RGS6: variants seen among roughly 807,000 people sequenced by gnomAD.
RGS6 encodes the protein regulator of G protein signaling 6.
RGS6 carries 30 observed loss-of-function variants against 78.5 expected under a neutral mutation model. The observed-to-expected ratio is 0.38, with a 90% CI of 0.29 to 0.52. The LOEUF (loss-of-function observed/expected upper bound fraction) is 0.52, where lower values mean the gene tolerates loss of function less well. Ranked by LOEUF, RGS6 falls within the 20% of genes least tolerant of loss-of-function variation. The probability of loss-of-function intolerance (pLI) is 0.85; values close to 1 mark genes in which losing one functional copy is unlikely to be tolerated. For synonymous variants in RGS6, 206 were observed against 206.0 expected (o/e 1.00, Z 0.00); for missense variants, 495 against 609.7 (o/e 0.81, Z 1.98).
At chr14:72,546,272 A>G (rs2097401230) in intron 17 of RGS6, among the ~76,000 whole-genome samples, 1 of 152,232 alleles carries the variant, frequency 6.6e-6, no homozygotes, top group Non-Finnish European at 1.5e-5. Flanking sequence ...AAGCATATTT[A>G]CTGTTATAGT....
chr14:71,981,320 TGGA>T (rs1216247140), intron 2 of RGS6, among the ~76,000 whole-genome samples: 3 of 152,244 alleles, frequency 2.0e-5, no homozygotes, highest in African/African-American at 7.2e-5. Context: ...TGCTTCCCTT[TGGA>T]GGAGGAGAGG....
rs368436795 is a variant in RGS6 at position 71,942,115 on chromosome 14, CATT to C, written c.-21+9176_-21+9178del. 2.4e-3 allele frequency among the ~76,000 whole-genome samples: 364 copies of C among 152,270 alleles called. 2 individuals carry two copies. The South Asian group carries it at 0.024, about 10-fold the overall frequency. ...AGAATAATCATCCAGAATTTGGAAACATTAAGCCTGTAATAAGAGTTATAATCA... is the reference window on the plus strand; with the variant it reads ...AGAATAATCATCCAGAATTTGGAAACAAGCCTGTAATAAGAGTTATAATCA... On this transcript the variant is annotated intron_variant, in intron 1 of 17. Coordinates refer to ENST00000553525, the MANE Select transcript of RGS6 (RefSeq NM_001204424.2).
chr14:72,334,411 G>A (rs1467961550), intron 2 of RGS6, among the ~76,000 whole-genome samples: 1 of 152,184 alleles, frequency 6.6e-6, no homozygotes, highest in Non-Finnish European at 1.5e-5. Context: ...AGCCCATAGG[G>A]TGGACAAGCC....
At chr14:72,362,883 A>G (rs1226736236) in intron 3 of RGS6, among the ~76,000 whole-genome samples, 1 of 152,206 alleles carries the variant, frequency 6.6e-6, no homozygotes, top group Non-Finnish European at 1.5e-5. Context: ...ACAATAATTG[A>G]GAACCGGACC....
chr14:71,983,853 C>G (rs906679176), intron 2 of RGS6, among the ~76,000 whole-genome samples: 2 of 152,230 alleles, frequency 1.3e-5, no homozygotes, highest in Admixed American at 6.5e-5. Flanking sequence ...AGACACAACT[C>G]AATCCACAAC....
intron 4 of RGS6, 49 bp downstream of exon 4, chr14:72,454,627 TC>T (rs2095582398): frequency 6.6e-7 from 1 of 1,526,188 alleles, no homozygotes; most frequent in Non-Finnish European, 9.0e-7. Context: ...TCAGTAAACA[TC>T]CCATAACCAA....
chr14:72,186,765 G>A (rs967070768), intron 2 of RGS6, among the ~76,000 whole-genome samples: 34 of 152,162 alleles, frequency 2.2e-4, no homozygotes, highest in African/African-American at 8.2e-4. Flanking sequence ...AGCTACTATG[G>A]CAATAAGTGC....
chr14:72,321,253 CA>C (rs2071921257), intron 2 of RGS6, among the ~76,000 whole-genome samples: 1 of 151,648 alleles, frequency 6.6e-6, no homozygotes, highest in Non-Finnish European at 1.5e-5. Flanking sequence ...CCAAATAGCA[CA>C]AGGAATACTC....
chr14:72,144,217 T>C (rs1258557773), intron 2 of RGS6, among the ~76,000 whole-genome samples: 1 of 152,226 alleles, frequency 6.6e-6, no homozygotes, highest in Non-Finnish European at 1.5e-5. Flanking sequence ...CTGAATTGCA[T>C]GGATTCATAA....
the RGS6 span, among the ~76,000 whole-genome samples, chr14:71,883,012 C>G: frequency 7.2e-5 from 11 of 152,252 alleles, no homozygotes; most frequent in African/African-American, 1.9e-4. Context: ...CCTTGACTTC[C>G]TAGAGAGGCT....
At chr14:71,969,531 AAAGCT>A (rs2093690338) in intron 2 of RGS6, among the ~76,000 whole-genome samples, 1 of 152,146 alleles carries the variant, frequency 6.6e-6, no homozygotes, top group African/African-American at 2.4e-5. Flanking sequence ...TCTACATCCA[AAAGCT>A]GGAGGCTCTG....
chr14:72,330,006 G>A (rs1405349347), intron 2 of RGS6, among the ~76,000 whole-genome samples: 5 of 152,190 alleles, frequency 3.3e-5, no homozygotes, highest in African/African-American at 1.2e-4. Flanking sequence ...TATAAACTTG[G>A]ATGGCATCAT....
chr14:71,959,173 G>A (rs1053533672), intron 1 of RGS6, among the ~76,000 whole-genome samples: 1 of 152,158 alleles, frequency 6.6e-6, no homozygotes, highest in African/African-American at 2.4e-5. Context: ...ATAACAGGAA[G>A]AGTGATTTGT....
chr14:71,884,918 G>A, the RGS6 span, among the ~76,000 whole-genome samples: 1 of 152,152 alleles, frequency 6.6e-6, no homozygotes, highest in Non-Finnish European at 1.5e-5. Flanking sequence ...AGGCACCTGA[G>A]CACCTCCTTA....
intron 2 of RGS6, among the ~76,000 whole-genome samples, chr14:72,127,807 AC>A (rs544030063): frequency 1.4e-4 from 21 of 152,254 alleles, no homozygotes; most frequent in Middle Eastern, 3.4e-3. Context: ...ATCCTCTGTT[AC>A]CCCTTTATAA....
At chr14:72,330,898 T>C (rs1318530115) in intron 2 of RGS6, among the ~76,000 whole-genome samples, 1 of 152,186 alleles carries the variant, frequency 6.6e-6, no homozygotes, top group Non-Finnish European at 1.5e-5. Context: ...GCTGCACGTT[T>C]CTGTCACTCT....
chr14:72,293,365 A>C (rs1243815649), intron 2 of RGS6, among the ~76,000 whole-genome samples: 1 of 152,212 alleles, frequency 6.6e-6, no homozygotes, highest in African/African-American at 2.4e-5. Context: ...GTTTGCAAAA[A>C]ATGTAGAACA....
chr14:72,383,557 C>G (rs1363821821), intron 3 of RGS6, among the ~76,000 whole-genome samples: 2 of 152,174 alleles, frequency 1.3e-5, no homozygotes, highest in Admixed American at 1.3e-4. Flanking sequence ...ATCCATTCTG[C>G]TTATTAACAG....
At chr14:72,252,501 C>T (rs1228096832) in intron 2 of RGS6, among the ~76,000 whole-genome samples, 1 of 152,208 alleles carries the variant, frequency 6.6e-6, no homozygotes, top group African/African-American at 2.4e-5. Flanking sequence ...CCTAGAAATA[C>T]TGCTTTAAAG....
Sources: gnomAD v4.1 joint callset for allele counts (sites outside exome capture counted in the v4.1 genomes callset) on GRCh38, gnomAD v4.1.1 for gene constraint, MANE v1.5 for transcripts, NCBI Gene and HGNC (gene_info 2026-07-23, HGNC 2026-07-21) for gene names.